The following DAPK2 variants were observed in gnomAD, a reference collection of about 807,000 sequenced individuals.
DAPK2 encodes the protein death associated protein kinase 2.
A neutral mutation model predicts 44.1 loss-of-function variants in DAPK2; 35 were observed. That is an observed-to-expected ratio of 0.79 (90% CI 0.61 to 1.05). The LOEUF (loss-of-function observed/expected upper bound fraction) is 1.05, where lower values mean the gene tolerates loss of function less well. Among genes scored for constraint, DAPK2 ranks in the 50% least tolerant of loss-of-function variants. DAPK2 has a pLI of 0.00. For synonymous variants in DAPK2, 174 were observed against 182.6 expected, an observed-to-expected ratio of 0.95 and a Z score of 0.38; for missense variants, 453 against 483.2, an observed-to-expected ratio of 0.94 and a Z score of 0.59.
chr15:63,975,146 G>T (rs1263714649), intron 2 of DAPK2, among the ~76,000 whole-genome samples: 1 of 152,098 alleles, frequency 6.6e-6, no homozygotes, highest in South Asian at 2.1e-4. Flanking sequence ...GCCAGCATGT[G>T]CTCCACTGGG....
chr15:64,036,148 C>T (rs2080175175), intron 1 of DAPK2, among the ~76,000 whole-genome samples: 1 of 150,866 alleles, frequency 6.6e-6, no homozygotes. Flanking sequence ...GTAGTCCCAG[C>T]TACTCAGGAG....
At chr15:63,997,422 G>T (rs60059719) in intron 1 of DAPK2, among the ~76,000 whole-genome samples, 2,427 of 152,270 alleles carry the variant, frequency 0.016, 71 homozygotes, top group African/African-American at 0.056. Context: ...CCACCTCCCA[G>T]GTTCAAGCAA....
At chr15:64,045,660 G>A (rs1001079591) in intron 1 of DAPK2, among the ~76,000 whole-genome samples, 2 of 152,206 alleles carry the variant, frequency 1.3e-5, no homozygotes, top group African/African-American at 4.8e-5. Flanking sequence ...GAGTTACGGT[G>A]AGGGTTAGCC....
upstream of DAPK2, among the ~76,000 whole-genome samples, chr15:64,045,244 C>T (rs1181651317): frequency 7.2e-5 from 11 of 152,324 alleles, no homozygotes; most frequent in Non-Finnish European, 1.5e-4. Context: ...GCCCAAGTCT[C>T]CTCTGAAGGT....
chr15:63,929,828 G>C (rs1282125092), intron 5 of DAPK2: 1 of 652,322 alleles, frequency 1.5e-6, no homozygotes, highest in Non-Finnish European at 2.8e-6. Context: ...CTTGCAGGCT[G>C]TGTGATTTAG....
At chr15:64,031,482 C>T (rs963538173) in intron 1 of DAPK2, among the ~76,000 whole-genome samples, 1 of 152,338 alleles carries the variant, frequency 6.6e-6, no homozygotes, top group Non-Finnish European at 1.5e-5. Context: ...ATCCTCCCAC[C>T]TCGTCCTCCC....
At chr15:63,963,164 A>G (rs1434640030) in intron 3 of DAPK2, among the ~76,000 whole-genome samples, 1 of 152,184 alleles carries the variant, frequency 6.6e-6, no homozygotes, top group Admixed American at 6.5e-5. Context: ...CACGGGATAC[A>G]ATCTCCTGGT....
intron 1 of DAPK2, among the ~76,000 whole-genome samples, chr15:63,993,708 G>C (rs2078876432): frequency 1.3e-5 from 2 of 152,012 alleles, no homozygotes; most frequent in African/African-American, 2.4e-5. Flanking sequence ...AGGGGTCCTG[G>C]CTCTACCACC....
rs1475589772 is a variant in DAPK2 at position 64,013,557 on chromosome 15, A to T, written c.92+26613T>A. Reference sequence around the variant, plus strand: ...GGGCAAGAACTTTAAAAGTAGAAAAACCTAAGGGCTAGAAAGGCCCTGAGA... The same window carrying T: ...GGGCAAGAACTTTAAAAGTAGAAAATCCTAAGGGCTAGAAAGGCCCTGAGA... On this transcript the variant is annotated intron_variant, in intron 1 of 10. Coordinates refer to ENST00000261891, the Ensembl canonical transcript of DAPK2. This position sits in a 1 kb window ranked among gnomAD's most constrained non-coding sequence, Gnocchi z 4.7. Among the ~76,000 whole-genome samples the T allele has an allele frequency of 6.6e-6, 1 of 152,058 alleles. No homozygotes were observed. Among genetic ancestry groups the T allele is most frequent in the Non-Finnish European group, 1.5e-5 (1 of 67,992 alleles).
upstream of DAPK2, chr15:64,046,359 G>T: frequency 2.3e-6 from 1 of 437,886 alleles, no homozygotes; most frequent in Non-Finnish European, 3.0e-6. This position sits in a 1 kb window ranked among gnomAD's most constrained non-coding sequence, Gnocchi z 5.3. Context: ...GGCGGGCGCG[G>T]CGGGCGCGGC....
chr15:63,922,937 T>C (rs2146592212), intron 8 of DAPK2: 2 of 1,535,944 alleles, frequency 1.3e-6, no homozygotes, highest in African/African-American at 1.4e-5. Context: ...GGCTTGCAGA[T>C]GGTCCAGTTT....
Position 64,008,168 on chromosome 15 carries a change from C to T in DAPK2, c.93-24414G>A, listed in dbSNP as rs138027573. On this transcript the variant is annotated intron_variant, in intron 1 of 10. Coordinates refer to ENST00000261891, the Ensembl canonical transcript of DAPK2. ...ACACTATATGCGAATGTACTAATGGCTTTAGGACACTATAAATGGGTGAAT... is the reference window on the plus strand; with the variant it reads ...ACACTATATGCGAATGTACTAATGGTTTTAGGACACTATAAATGGGTGAAT... Among the ~76,000 whole-genome samples the T allele has an allele frequency of 7.9e-3, 1,205 of 151,820 alleles. 8 individuals carry two copies. Among genetic ancestry groups the T allele is most frequent in the Non-Finnish European group, 0.012 (824 of 68,012 alleles).
chr15:64,042,286 C>T (rs754517746), upstream of DAPK2, among the ~76,000 whole-genome samples: 2 of 152,146 alleles, frequency 1.3e-5, no homozygotes, highest in African/African-American at 2.4e-5. This position sits in a 1 kb window ranked among gnomAD's most constrained non-coding sequence, Gnocchi z 4.7. Context: ...TCCCCAACAT[C>T]CTGGCAAATC....
chr15:63,993,361 A>G (rs965870371), intron 1 of DAPK2, among the ~76,000 whole-genome samples: 1 of 152,208 alleles, frequency 6.6e-6, no homozygotes, highest in Non-Finnish European at 1.5e-5. Context: ...CAAGATTCAC[A>G]TTAAACAGGT....
rs142554240 is a variant in DAPK2, at chr15:64,035,024, C to T, written c.92+5146G>A. Among the ~76,000 whole-genome samples, 3 of 152,118 alleles carry T rather than the reference C, an allele frequency of 2.0e-5. No individual in the cohort carries two copies. The East Asian group carries it at 5.8e-4, about 30-fold the overall frequency. On this transcript the variant is annotated intron_variant, in intron 1 of 10. Coordinates refer to ENST00000261891, the Ensembl canonical transcript of DAPK2. ...CTCTACTAAAAGTACAAAAATTAGC[C>T]AGGCATGGTGGCGTGTGCCTGTAAT...
intron 3 of DAPK2, among the ~76,000 whole-genome samples, chr15:63,971,049 T>C (rs1306675452): frequency 6.6e-6 from 1 of 152,186 alleles, no homozygotes; most frequent in South Asian, 2.1e-4. Flanking sequence ...ACTTCAGCAA[T>C]CCTCCAAACA....
chr15:63,935,094 T>C (rs2077103125), intron 4 of DAPK2, among the ~76,000 whole-genome samples: 1 of 150,742 alleles, frequency 6.6e-6, no homozygotes, highest in African/African-American at 2.4e-5. Flanking sequence ...GCCTTCTTTT[T>C]TTTTTTTTTT....
At chr15:63,926,141 A>G (rs2079255456) in intron 6 of DAPK2, 48 bp from the exon 8 acceptor site, 1 of 1,562,244 alleles carries the variant, frequency 6.4e-7, no homozygotes, top group Non-Finnish European at 8.7e-7. Context: ...AAGTAGGTGG[A>G]AATGGGGATT....
chr15:64,012,895 A>G (rs1567272964), intron 1 of DAPK2, among the ~76,000 whole-genome samples: 1 of 152,226 alleles, frequency 6.6e-6, no homozygotes, highest in East Asian at 1.9e-4. Flanking sequence ...TAAGCATTCT[A>G]TCTGGGGCAC....
Sources: gnomAD v4.1 joint callset for allele counts (sites outside exome capture counted in the v4.1 genomes callset) on GRCh38, gnomAD v4.1.1 for gene constraint, Gnocchi (gnomAD v3.1) non-coding constraint, MANE v1.5 for transcripts, NCBI Gene and HGNC (gene_info 2026-07-23, HGNC 2026-07-21) for gene names.